Variants in ROBO1 observed in about 807,000 individuals in gnomAD.
ROBO1 encodes the protein roundabout homolog 1.
Under a neutral mutation model 195.9 loss-of-function variants are expected in ROBO1, and 149 were observed. The observed-to-expected ratio is 0.76, with a 90% confidence interval of 0.67 to 0.87. The LOEUF (loss-of-function observed/expected upper bound fraction) is 0.87, where lower values mean the gene tolerates loss of function less well. Among genes scored for constraint, ROBO1 ranks in the 40% least tolerant of loss-of-function variants. The pLI, the probability that ROBO1 is intolerant of heterozygous loss-of-function variation, is 0.00. For missense variants in ROBO1, 1,933 were observed against 2,068.3 expected, an observed-to-expected ratio of 0.93 and a Z score of 1.27; for synonymous variants, 816 against 733.2, an observed-to-expected ratio of 1.11 and a Z score of -1.82.
chr3:79,338,844 C>A (rs1175442652), intron 2 of ROBO1, among the ~76,000 whole-genome samples: 1 of 152,134 alleles, frequency 6.6e-6, no homozygotes, highest in Non-Finnish European at 1.5e-5. Context: ...CACCTGAACT[C>A]CACTCAGATA....
At chr3:79,552,053 A>T (rs1942541971) in intron 2 of ROBO1, among the ~76,000 whole-genome samples, 1 of 149,382 alleles carries the variant, frequency 6.7e-6, no homozygotes, top group Non-Finnish European at 1.5e-5. Context: ...AAAAAAAAAA[A>T]GTAAGAAAGA....
At chr3:79,736,714 G>A (rs1249617264) in intron 1 of ROBO1, among the ~76,000 whole-genome samples, 4 of 152,160 alleles carry the variant, frequency 2.6e-5, no homozygotes, top group African/African-American at 9.7e-5. Flanking sequence ...ATCTACTTAT[G>A]ATAAACTATC....
intron 4 of ROBO1, among the ~76,000 whole-genome samples, chr3:78,814,756 A>G (rs2084848794): frequency 6.6e-6 from 1 of 152,130 alleles, no homozygotes; most frequent in Admixed American, 6.6e-5. Context: ...TAACATTAGA[A>G]AATATATACA....
At chr3:79,097,291 A>G (rs2079587823) in intron 3 of ROBO1, among the ~76,000 whole-genome samples, 1 of 151,870 alleles carries the variant, frequency 6.6e-6, no homozygotes, top group Admixed American at 6.6e-5. Flanking sequence ...TTGCATTTGT[A>G]AATTATAGGC....
At chr3:78,689,635 C>A (rs2081127192) in intron 8 of ROBO1, among the ~76,000 whole-genome samples, 1 of 152,026 alleles carries the variant, frequency 6.6e-6, no homozygotes, top group Non-Finnish European at 1.5e-5. Flanking sequence ...CATTTCGTAT[C>A]AGCTCTGAAA....
At chr3:79,395,156 C>G (rs991168029) in intron 2 of ROBO1, among the ~76,000 whole-genome samples, 2 of 151,382 alleles carry the variant, frequency 1.3e-5, no homozygotes, top group African/African-American at 4.9e-5. Context: ...ACCCCGTCTC[C>G]ACTAAAAATA....
chr3:78,910,865 CCAGCTA>C (rs1300245085), intron 4 of ROBO1, among the ~76,000 whole-genome samples: 5 of 152,036 alleles, frequency 3.3e-5, no homozygotes, highest in African/African-American at 1.2e-4. Flanking sequence ...GTTCTCTGAA[CCAGCTA>C]CATGGGCAAT....
intron 2 of ROBO1, among the ~76,000 whole-genome samples, chr3:79,198,830 C>T (rs1425585329): frequency 6.6e-6 from 1 of 151,462 alleles, no homozygotes; most frequent in African/African-American, 2.4e-5. Context: ...CATGATTTGG[C>T]TCTCTGTTAT....
chr3:79,443,906 T>C (rs1321279019), intron 2 of ROBO1, among the ~76,000 whole-genome samples: 1 of 151,554 alleles, frequency 6.6e-6, no homozygotes, highest in Non-Finnish European at 1.5e-5. Flanking sequence ...TGACAGTGGG[T>C]ATTACAAGTC....
intron 2 of ROBO1, among the ~76,000 whole-genome samples, chr3:79,524,952 C>T (rs1207225318): frequency 2.0e-5 from 3 of 151,612 alleles, no homozygotes; most frequent in African/African-American, 4.8e-5. Flanking sequence ...CATACATATA[C>T]ATATATATAG....
At chr3:79,442,530 T>C (rs2107134444) in intron 2 of ROBO1, among the ~76,000 whole-genome samples, 1 of 152,262 alleles carries the variant, frequency 6.6e-6, no homozygotes, top group East Asian at 1.9e-4. Flanking sequence ...TGGTCCCGTC[T>C]GAATCCCTTT....
At chr3:78,975,264 A>ATGCTAATTAGCTC (rs2076860510) in intron 3 of ROBO1, among the ~76,000 whole-genome samples, 1 of 152,192 alleles carries the variant, frequency 6.6e-6, no homozygotes, top group Admixed American at 6.5e-5. Context: ...TTAAGTGTAC[A>ATGCTAATTAGCTC]TGCTAATTAG....
intron 3 of ROBO1, among the ~76,000 whole-genome samples, chr3:78,980,102 CA>C (rs1200896161): frequency 6.6e-6 from 1 of 152,028 alleles, no homozygotes; most frequent in Admixed American, 6.6e-5. Flanking sequence ...CCATATGTTC[CA>C]AACACATATA....
intron 1 of ROBO1, among the ~76,000 whole-genome samples, chr3:79,748,757 G>T (rs912694549): frequency 1.1e-4 from 16 of 152,054 alleles, no homozygotes; most frequent in African/African-American, 3.9e-4. Context: ...TTGCCTGCAC[G>T]AGCTCTTTGC....
intron 1 of ROBO1, among the ~76,000 whole-genome samples, chr3:79,649,692 G>A (rs928821649): frequency 9.2e-5 from 14 of 152,044 alleles, no homozygotes; most frequent in Non-Finnish European, 2.1e-4. Context: ...TATTTGTTGG[G>A]TATATCTCTG....
At chr3:79,303,283 C>T (rs2033061714) in intron 2 of ROBO1, among the ~76,000 whole-genome samples, 1 of 150,980 alleles carries the variant, frequency 6.6e-6, no homozygotes, top group African/African-American at 2.4e-5. Context: ...TCTCCTGCCT[C>T]AGCCTCCCAA....
intron 4 of ROBO1, among the ~76,000 whole-genome samples, chr3:78,857,108 T>A (rs1000455128): frequency 2.7e-4 from 41 of 152,278 alleles, no homozygotes; most frequent in African/African-American, 9.1e-4. Context: ...ATTTATGACA[T>A]TTATTCACAC....
chr3:78,930,669 T>G (rs1479511590), intron 4 of ROBO1, among the ~76,000 whole-genome samples: 3 of 152,160 alleles, frequency 2.0e-5, no homozygotes, highest in Admixed American at 6.5e-5. Context: ...ACTATTTAAC[T>G]CTCTAAAATT....
chr3:78,921,523 A>T (rs1422916853), intron 4 of ROBO1, among the ~76,000 whole-genome samples: 2 of 152,204 alleles, frequency 1.3e-5, no homozygotes, highest in Non-Finnish European at 2.9e-5. Flanking sequence ...AGTACAGTAA[A>T]TGTCCCAAAT....
Sources: gnomAD v4.1 joint callset for allele counts (sites outside exome capture counted in the v4.1 genomes callset) on GRCh38, gnomAD v4.1.1 for gene constraint, MANE v1.5 for transcripts, NCBI Gene and HGNC (gene_info 2026-07-23, HGNC 2026-07-21) for gene names.